Variants in NEK11 observed in about 807,000 individuals in gnomAD.
The protein encoded by NEK11 is serine/threonine-protein kinase Nek11.
Under a neutral mutation model 80.7 loss-of-function variants are expected in NEK11, and 72 were observed. That is an observed-to-expected ratio of 0.89 (90% CI 0.74 to 1.08). NEK11 has a LOEUF of 1.08. Ranked by LOEUF, NEK11 falls within the 50% of genes least tolerant of loss-of-function variation. The pLI, the probability that NEK11 is intolerant of heterozygous loss-of-function variation, is 0.00. For missense variants in NEK11, 764 were observed against 763.6 expected (o/e 1.00, Z -0.01); for synonymous variants, 251 against 260.7 (o/e 0.96, Z 0.36).
rs1409407548 is a variant in NEK11, at chr3:131,199,769, A to G, written c.1400-28759A>G. Reference sequence around the variant, plus strand: ...GCAAGATTTCAGTAGATTAGACTAGACTAGTTTTCATAAAGCTTATATACC... The same window carrying G: ...GCAAGATTTCAGTAGATTAGACTAGGCTAGTTTTCATAAAGCTTATATACC... On this transcript the variant is annotated intron_variant, in intron 14 of 17. Coordinates refer to ENST00000383366, the MANE Select transcript of NEK11 (RefSeq NM_024800.5). Among the ~76,000 whole-genome samples the G allele has an allele frequency of 2.6e-5, 4 of 152,222 alleles. No homozygotes were observed. The South Asian group carries it at 8.3e-4, about 31-fold the overall frequency.
chr3:131,273,512 G>A lies in NEK11; in HGVS notation c.1656G>A (p.Met552Ile). ...TKTITTMAED[M>I]SPGPPIFNSV... ...CCATCACCACCATGGCTGAAGACAT[G>A]TCCCCAGGACCACCAATTTTCAACA... Residue 552 changes from methionine to isoleucine, a missense_variant, in exon 17 of 18, where the codon ATG becomes ATA. By Grantham distance (10) the Met-to-Ile change is conservative. Coordinates refer to ENST00000383366, the MANE Select transcript of NEK11 (RefSeq NM_024800.5). 1 of 1,614,040 alleles carries A rather than the reference G, an allele frequency of 6.2e-7. No homozygotes were observed. Among genetic ancestry groups the A allele is most frequent in the East Asian group, 2.2e-5 (1 of 44,878 alleles).
intron 17 of NEK11, among the ~76,000 whole-genome samples, chr3:131,321,424 T>C (rs949369220): frequency 6.6e-6 from 1 of 152,158 alleles, no homozygotes; most frequent in Non-Finnish European, 1.5e-5. Flanking sequence ...GGAAACACCA[T>C]TCTGGACATC....
chr3:131,299,443 C>A (rs114290448), intron 17 of NEK11, among the ~76,000 whole-genome samples: 1,941 of 152,106 alleles, frequency 0.013, 40 homozygotes, highest in African/African-American at 0.044. Context: ...CCACCTGCCT[C>A]AGCCTCCCAA....
chr3:131,310,951 T>G (rs1561488081), intron 17 of NEK11, among the ~76,000 whole-genome samples: 1 of 152,200 alleles, frequency 6.6e-6, no homozygotes, highest in Non-Finnish European at 1.5e-5. Flanking sequence ...TCCTAAGCCA[T>G]GGTTAGGAGA....
At chr3:131,103,624 C>T (rs1316652764) in intron 4 of NEK11, among the ~76,000 whole-genome samples, 1 of 152,164 alleles carries the variant, frequency 6.6e-6, no homozygotes, top group East Asian at 1.9e-4. Context: ...GGGGGAACTC[C>T]TTCCAATCAC....
intron 3 of NEK11, among the ~76,000 whole-genome samples, chr3:131,076,865 G>A (rs1437907340): frequency 1.3e-5 from 2 of 152,214 alleles, no homozygotes; most frequent in Non-Finnish European, 2.9e-5. Context: ...CAAAAGACAT[G>A]TGTTTGACTC....
intron 16 of NEK11, among the ~76,000 whole-genome samples, chr3:131,248,448 A>G (rs2095642598): frequency 6.6e-6 from 1 of 152,104 alleles, no homozygotes; most frequent in Non-Finnish European, 1.5e-5. Flanking sequence ...TAATAATCAT[A>G]TCATGGAAGC....
intron 17 of NEK11, among the ~76,000 whole-genome samples, chr3:131,305,878 T>C (rs2096718325): frequency 6.6e-6 from 1 of 152,118 alleles, no homozygotes; most frequent in African/African-American, 2.4e-5. Flanking sequence ...CTATCCACTC[T>C]CAATGCCTTC....
At chr3:131,225,359 T>C (rs897327974) in intron 14 of NEK11, among the ~76,000 whole-genome samples, 2 of 152,160 alleles carry the variant, frequency 1.3e-5, no homozygotes, top group African/African-American at 4.8e-5. Flanking sequence ...ATAAGTACAC[T>C]CTATGATGTT....
chr3:131,307,537 T>G lies in NEK11; in HGVS notation c.1718+33963T>G, dbSNP rs138349207. On this transcript the variant is annotated intron_variant, in intron 17 of 17. Coordinates refer to ENST00000383366, the MANE Select transcript of NEK11 (RefSeq NM_024800.5). ...CTTTTACATAAAATGCAATATATAG[T>G]AAGGCTAATAACAAAGTAATATCTA... Among the ~76,000 whole-genome samples, 1,296 of 152,290 alleles carry G rather than the reference T, an allele frequency of 8.5e-3. 25 individuals are homozygous for G. Among genetic ancestry groups the G allele is most frequent in the Non-Finnish European group, 0.013 (857 of 68,014 alleles).
At chr3:131,284,869 C>G (rs1307595346) in intron 17 of NEK11, among the ~76,000 whole-genome samples, 1 of 152,156 alleles carries the variant, frequency 6.6e-6, no homozygotes, top group Non-Finnish European at 1.5e-5. Context: ...GTTGCCCTCC[C>G]TACTTTTGAG....
intron 14 of NEK11, chr3:131,184,764 A>T: frequency 8.3e-7 from 1 of 1,202,458 alleles, no homozygotes; most frequent in Non-Finnish European, 1.1e-6. Context: ...GAATTTCTGA[A>T]ATAAGGAAAT....
chr3:131,121,864 A>G (rs967547106), intron 5 of NEK11, among the ~76,000 whole-genome samples: 1 of 152,168 alleles, frequency 6.6e-6, no homozygotes, highest in Non-Finnish European at 1.5e-5. Context: ...GAGTGTCCCA[A>G]CTTTCCAGGT....
At chr3:131,225,745 T>G (rs1430304077) in intron 14 of NEK11, among the ~76,000 whole-genome samples, 1 of 152,160 alleles carries the variant, frequency 6.6e-6, no homozygotes. Flanking sequence ...AAACTGCAGG[T>G]TGAGAGGTCA....
intron 17 of NEK11, among the ~76,000 whole-genome samples, chr3:131,288,653 T>G (rs916423895): frequency 6.6e-6 from 1 of 152,010 alleles, no homozygotes; most frequent in Non-Finnish European, 1.5e-5. Context: ...GGTTTCTCCA[T>G]GTAGGTCTGA....
At chr3:131,095,113 A>G (rs1475072912) in intron 4 of NEK11, among the ~76,000 whole-genome samples, 1 of 152,254 alleles carries the variant, frequency 6.6e-6, no homozygotes, top group Non-Finnish European at 1.5e-5. Context: ...ACTTGGATCA[A>G]TCTTATGGAG....
chr3:131,050,737 A>G (rs1230168906), intron 3 of NEK11, among the ~76,000 whole-genome samples: 1 of 152,222 alleles, frequency 6.6e-6, no homozygotes, highest in Admixed American at 6.5e-5. Context: ...GTTCTCTGAA[A>G]GTATAGTAAG....
chr3:131,249,257 T>C (rs997855797), intron 16 of NEK11, among the ~76,000 whole-genome samples: 3 of 151,914 alleles, frequency 2.0e-5, no homozygotes. Context: ...GTGCCTAAGA[T>C]GTATATAGGA....
chr3:131,133,705 C>A, intron 6 of NEK11, 125 bp from the exon 7 acceptor site: 1 of 622,336 alleles, frequency 1.6e-6, no homozygotes, highest in Non-Finnish European at 2.7e-6. Flanking sequence ...CTTTTCTTTC[C>A]TGTTAAAATG....
Sources: gnomAD v4.1 joint callset for allele counts (sites outside exome capture counted in the v4.1 genomes callset) on GRCh38, gnomAD v4.1.1 for gene constraint, MANE v1.5 for transcripts, NCBI Gene and HGNC (gene_info 2026-07-23, HGNC 2026-07-21) for gene names.